Variants in LRRFIP2 observed in about 807,000 individuals in gnomAD.
LRRFIP2 encodes the protein LRR binding FLII interacting protein 2.
LRRFIP2 carries 109 observed loss-of-function variants against 125.9 expected under a neutral mutation model. That is an observed-to-expected ratio of 0.87 (90% CI 0.74 to 1.01). LRRFIP2 has a LOEUF of 1.01. Among genes scored for constraint, LRRFIP2 ranks in the 50% least tolerant of loss-of-function variants. The probability of loss-of-function intolerance (pLI) is 0.00; values close to 1 mark genes in which losing one functional copy is unlikely to be tolerated. For missense variants in LRRFIP2, 850 were observed against 862.3 expected, an observed-to-expected ratio of 0.99 and a Z score of 0.18; for synonymous variants, 291 against 293.1, an observed-to-expected ratio of 0.99 and a Z score of 0.07.
intron 2 of LRRFIP2, among the ~76,000 whole-genome samples, chr3:37,145,636 T>C (rs2095838863): frequency 6.6e-6 from 1 of 152,210 alleles, no homozygotes; most frequent in Non-Finnish European, 1.5e-5. Context: ...GCTGTAAACA[T>C]GGCTAGTAAT....
At chr3:37,165,843 A>AAGAAAGAAAG (rs2096474055) in intron 1 of LRRFIP2, among the ~76,000 whole-genome samples, 2 of 148,882 alleles carry the variant, frequency 1.3e-5, no homozygotes, top group African/African-American at 2.5e-5. Context: ...GAAAGAAAGA[A>AAGAAAGAAAG]AGAAAGAAAG....
chr3:37,119,881 G>A (rs1369120931), intron 6 of LRRFIP2, among the ~76,000 whole-genome samples: 2 of 151,932 alleles, frequency 1.3e-5, no homozygotes, highest in East Asian at 3.9e-4. Flanking sequence ...AGGTTGGTCT[G>A]GAACTCTGAA....
intron 1 of LRRFIP2, among the ~76,000 whole-genome samples, chr3:37,162,522 T>C (rs2096375721): frequency 6.6e-6 from 1 of 152,204 alleles, no homozygotes; most frequent in African/African-American, 2.4e-5. Context: ...CTCTTTTTCA[T>C]ACTTGATTAT....
chr3:37,112,855 T>C (rs2094600181), intron 8 of LRRFIP2, 60 bp downstream of exon 8: 3 of 932,808 alleles, frequency 3.2e-6, no homozygotes, highest in Non-Finnish European at 5.0e-6. Context: ...AAAGCAATCA[T>C]AATCCTTAAG....
chr3:37,129,116 G>C lies in LRRFIP2; in HGVS notation c.124C>G (p.Arg42Gly). The C allele has an allele frequency of 1.2e-6, 2 of 1,613,888 alleles. No individual in the cohort carries two copies. The highest frequency in any genetic ancestry group is 1.7e-6 in the Non-Finnish European group (2 of 1,179,998). Residue 42 changes from arginine to glycine, a missense_variant, in exon 3 of 28, where the codon CGG (arginine) becomes GGG (glycine). Physicochemically the swap from Arg to Gly is moderately radical, Grantham distance 125 (BLOSUM62 -2). Coordinates refer to ENST00000336686, the MANE Select transcript of LRRFIP2 (RefSeq NM_006309.4). The part of the protein sequence containing the change: ...EARLAAKRAA[R>G]AEARDIRMRE... ...ATGCGTATATCTCTTGCTTCTGCCC[G>C]GGCAGCCCGTTTTGCTGCCAGCCTT...
At position 37,108,142 on chromosome 3, in the gene LRRFIP2, CAAG is replaced by C; in HGVS notation, c.658-16_658-14del. 1 of 1,608,946 alleles carries C rather than the reference CAAG, an allele frequency of 6.2e-7. No individual in the cohort carries two copies. The highest frequency in any genetic ancestry group is 8.5e-7 in the Non-Finnish European group (1 of 1,175,542). On this transcript the variant is annotated splice_polypyrimidine_tract_variant and intron_variant, in intron 12 of 27. Coordinates refer to ENST00000336686, the MANE Select transcript of LRRFIP2 (RefSeq NM_006309.4). ...TGCATTCAGATGGCTATAAAGTTTC[CAAG>C]AAGAAAGGTTTTACAACAATGATCA...
chr3:37,099,482 T>C (rs906691924), intron 15 of LRRFIP2, among the ~76,000 whole-genome samples: 2 of 152,212 alleles, frequency 1.3e-5, no homozygotes, highest in Non-Finnish European at 2.9e-5. Flanking sequence ...AATGCAGTCA[T>C]TGGATCTTGA....
chr3:37,117,476 C>T (rs541391530), intron 6 of LRRFIP2, among the ~76,000 whole-genome samples: 2 of 151,928 alleles, frequency 1.3e-5, no homozygotes, highest in South Asian at 4.2e-4. Context: ...TAAAAGTTGG[C>T]CTTTATATTG....
At chr3:37,073,925 G>A (rs1300865762) in intron 20 of LRRFIP2, among the ~76,000 whole-genome samples, 1 of 152,096 alleles carries the variant, frequency 6.6e-6, no homozygotes, top group Non-Finnish European at 1.5e-5. Flanking sequence ...ATACCAGCAG[G>A]ATACAGATTC....
chr3:37,109,759 T>G, intron 9 of LRRFIP2, 56 bp from the exon 10 acceptor site: 1 of 1,490,318 alleles, frequency 6.7e-7, no homozygotes, highest in Non-Finnish European at 9.3e-7. Context: ...TGAATTGGTC[T>G]CACCATCATG....
intron 15 of LRRFIP2, among the ~76,000 whole-genome samples, chr3:37,098,199 A>G (rs2093821392): frequency 6.6e-6 from 1 of 152,140 alleles, no homozygotes. Context: ...AAACTCTGAA[A>G]AAGAAACTAA....
chr3:37,079,421 T>C (rs1314987041), intron 19 of LRRFIP2, among the ~76,000 whole-genome samples: 2 of 152,060 alleles, frequency 1.3e-5, no homozygotes, highest in Non-Finnish European at 2.9e-5. Flanking sequence ...GCAATTCCAC[T>C]CCCAAGTATA....
At chr3:37,066,726 TAACTA>T (rs1333668706) in intron 21 of LRRFIP2, 5 of 170,568 alleles carry the variant, frequency 2.9e-5, no homozygotes, top group Admixed American at 1.7e-4. Flanking sequence ...ATTTCATGTT[TAACTA>T]AACTAGTTTA....
At chr3:37,135,285 C>A (rs2095529568) in intron 2 of LRRFIP2, among the ~76,000 whole-genome samples, 1 of 151,858 alleles carries the variant, frequency 6.6e-6, no homozygotes, top group Non-Finnish European at 1.5e-5. Context: ...ATGGTGAAAT[C>A]CTGTCTCTAC....
At chr3:37,058,743 A>T (rs751442396) in intron 25 of LRRFIP2, 47 bp downstream of exon 25, 15 of 1,592,180 alleles carry the variant, frequency 9.4e-6, no homozygotes, top group Admixed American at 1.7e-5. Flanking sequence ...CACCCCTGGG[A>T]CACAGTCTAT....
At chr3:37,063,497 G>A (rs576960738) in intron 24 of LRRFIP2, among the ~76,000 whole-genome samples, 24 of 152,312 alleles carry the variant, frequency 1.6e-4, no homozygotes, top group African/African-American at 5.8e-4. Flanking sequence ...CAGGGCAGGG[G>A]ACTGCTGTGT....
At chr3:37,100,113 A>G (rs931176060) in intron 15 of LRRFIP2, among the ~76,000 whole-genome samples, 1 of 152,116 alleles carries the variant, frequency 6.6e-6, no homozygotes, top group African/African-American at 2.4e-5. Flanking sequence ...CTCCAGAGAG[A>G]GGCCCAGAAA....
At position 37,121,485 on chromosome 3, in the gene LRRFIP2, T is replaced by C; in HGVS notation, c.330+7A>G. 6.2e-7 allele frequency: 1 copy of C among 1,613,592 alleles called. No individual in the cohort carries two copies. The highest frequency in any genetic ancestry group is 8.5e-7 in the Non-Finnish European group (1 of 1,179,544). On this transcript the variant is annotated splice_region_variant and intron_variant, in intron 6 of 27. Coordinates refer to ENST00000336686, the MANE Select transcript of LRRFIP2 (RefSeq NM_006309.4). ...TTTGTATTGTGTAGACAAGTTAAAATACCAACCCTGTGACTGCCAACACTT... is the reference window on the plus strand; with the variant it reads ...TTTGTATTGTGTAGACAAGTTAAAACACCAACCCTGTGACTGCCAACACTT...
chr3:37,149,828 C>T (rs2095966859), intron 1 of LRRFIP2, among the ~76,000 whole-genome samples: 3 of 151,814 alleles, frequency 2.0e-5, no homozygotes, highest in African/African-American at 7.3e-5. Flanking sequence ...TGGTAAAACC[C>T]CATCTCCACT....
Sources: allele counts gnomAD v4.1 joint callset (sites outside exome capture counted in the v4.1 genomes callset), GRCh38; gene constraint gnomAD v4.1.1; transcripts MANE v1.5; gene names NCBI Gene and HGNC (gene_info 2026-07-23, HGNC 2026-07-21).